SLC12A7: variants seen among roughly 807,000 people sequenced by gnomAD.
SLC12A7 encodes the protein solute carrier family 12 member 7, also known as K-Cl cotransporter 4.
Under a neutral mutation model 120.6 loss-of-function variants are expected in SLC12A7, and 100 were observed. The ratio of observed to expected loss-of-function variants is 0.83; its 90% confidence interval spans 0.71 to 0.98. The LOEUF is 0.98. Ranked by LOEUF, SLC12A7 falls within the 50% of genes least tolerant of loss-of-function variation. The pLI is 0.00. For synonymous variants in SLC12A7, 760 were observed against 678.0 expected (o/e 1.12, Z -1.88); for missense variants, 1,373 against 1,548.1 (o/e 0.89, Z 1.90).
the SLC12A7 span, among the ~76,000 whole-genome samples, chr5:1,136,807 G>T: frequency 7.1e-6 from 1 of 140,650 alleles, no homozygotes; most frequent in Admixed American, 7.3e-5. Flanking sequence ...GCACACACGT[G>T]CTCAGACACC....
the SLC12A7 span, among the ~76,000 whole-genome samples, chr5:1,122,563 C>T: frequency 1.3e-5 from 2 of 152,236 alleles, no homozygotes; most frequent in African/African-American, 2.4e-5. Context: ...CACAGCTGTG[C>T]GTCCACCTTC....
At chr5:1,148,485 G>A in the SLC12A7 span, among the ~76,000 whole-genome samples, 4 of 152,184 alleles carry the variant, frequency 2.6e-5, no homozygotes, top group Non-Finnish European at 2.9e-5. Context: ...TATTACAGGC[G>A]TGAGCCACCG....
chr5:1,053,550 T>A, intron 22 of SLC12A7, 68 bp from the exon 23 acceptor site: 1 of 1,556,960 alleles, frequency 6.4e-7, no homozygotes, highest in East Asian at 2.3e-5. Flanking sequence ...GAGGCTGAGC[T>A]GAGCCCTGAT....
intron 1 of SLC12A7, among the ~76,000 whole-genome samples, chr5:1,106,471 AAAAG>A (rs1742539229): frequency 6.6e-6 from 1 of 151,692 alleles, no homozygotes; most frequent in Non-Finnish European, 1.5e-5. Context: ...AAAAAAAAAA[AAAAG>A]AAAATTCATA....
Position 1,073,751 on chromosome 5 carries a change from T to A in SLC12A7, c.2123A>T (p.His708Leu). 1 of 1,556,462 alleles carries A rather than the reference T, an allele frequency of 6.4e-7. No individual in the cohort carries two copies. The highest frequency in any genetic ancestry group is 8.7e-7 in the Non-Finnish European group (1 of 1,148,470). Residue 708 changes from histidine to leucine, a missense_variant, in exon 17 of 24, where the codon CAC becomes CTC. Physicochemically the swap from His to Leu is moderately conservative, Grantham distance 99. Coordinates refer to ENST00000264930, the MANE Select transcript of SLC12A7 (RefSeq NM_006598.3). ...LNLDAEQAVK[H>L]PRLLSFTSQL... ...CGACGTGAAGGACAGCAGGCGGGGG[T>A]GCTTCACGGCCTGCTCCGCGTCCAG...
At chr5:1,083,718 C>G (rs1241441433) in intron 8 of SLC12A7, 27 bp downstream of exon 8, 1 of 1,608,550 alleles carries the variant, frequency 6.2e-7, no homozygotes, top group Non-Finnish European at 8.5e-7. Context: ...CACCCCCCAG[C>G]TCCAGCTGCA....
intron 7 of SLC12A7, 62 bp from the exon 8 acceptor site, chr5:1,084,018 C>CCA: frequency 6.9e-7 from 1 of 1,447,922 alleles, no homozygotes; most frequent in Non-Finnish European, 9.5e-7. Flanking sequence ...ACTGCCCCAC[C>CCA]CAGCTCCCCC....
At chr5:1,131,293 G>A in the SLC12A7 span, among the ~76,000 whole-genome samples, 1 of 152,168 alleles carries the variant, frequency 6.6e-6, no homozygotes, top group African/African-American at 2.4e-5. Flanking sequence ...TCACCCAGAG[G>A]CTGGGGCCTG....
chr5:1,119,788 A>G, the SLC12A7 span, among the ~76,000 whole-genome samples: 1 of 152,246 alleles, frequency 6.6e-6, no homozygotes, highest in Non-Finnish European at 1.5e-5. Context: ...CAATGGACAA[A>G]TGGGGTCCAC....
chr5:1,137,754 T>C, the SLC12A7 span, among the ~76,000 whole-genome samples: 2 of 152,272 alleles, frequency 1.3e-5, no homozygotes, highest in African/African-American at 4.8e-5. Context: ...AGGCCCTCCC[T>C]GCTCGCCCAG....
chr5:1,059,327 G>A (rs1327774922), intron 21 of SLC12A7, among the ~76,000 whole-genome samples: 7 of 152,206 alleles, frequency 4.6e-5, no homozygotes, highest in Non-Finnish European at 7.3e-5. Flanking sequence ...TAGTGATTCC[G>A]GCTGTCAGCA....
At chr5:1,136,598 G>C in the SLC12A7 span, among the ~76,000 whole-genome samples, 1 of 114,792 alleles carries the variant, frequency 8.7e-6, no homozygotes, top group Non-Finnish European at 1.7e-5. Flanking sequence ...ACACCACCAG[G>C]ACACGCAGAC....
chr5:1,125,991 T>C, the SLC12A7 span, among the ~76,000 whole-genome samples: 1 of 152,040 alleles, frequency 6.6e-6, no homozygotes, highest in Non-Finnish European at 1.5e-5. Flanking sequence ...ATTGTTAATG[T>C]TTCCAAAAAG....
intron 6 of SLC12A7, among the ~76,000 whole-genome samples, chr5:1,085,705 C>T (rs1303489432): frequency 6.7e-6 from 1 of 149,968 alleles, no homozygotes; most frequent in East Asian, 2.0e-4. Flanking sequence ...AGCGCACAGG[C>T]GAGGGACGGA....
chr5:1,057,366 G>T, intron 22 of SLC12A7, 105 bp downstream of exon 22: 1 of 1,218,688 alleles, frequency 8.2e-7, no homozygotes, highest in Non-Finnish European at 1.1e-6. Flanking sequence ...TGGCCTGCAG[G>T]GTTGCCCCGA....
chr5:1,126,536 CA>C, the SLC12A7 span, among the ~76,000 whole-genome samples: 7 of 152,034 alleles, frequency 4.6e-5, no homozygotes, highest in African/African-American at 1.2e-4. Context: ...GTTTATTACA[CA>C]AGTAAATTTG....
chr5:1,107,784 C>G (rs902778859), intron 1 of SLC12A7, among the ~76,000 whole-genome samples: 1 of 152,182 alleles, frequency 6.6e-6, no homozygotes, highest in African/African-American at 2.4e-5. Flanking sequence ...GCCTGGGGAG[C>G]TTTGCAGAAG....
upstream of SLC12A7, among the ~76,000 whole-genome samples, chr5:1,114,836 TC>T (rs904889002): frequency 6.6e-6 from 1 of 152,110 alleles, no homozygotes; most frequent in Non-Finnish European, 1.5e-5. Flanking sequence ...GATGTCTGAA[TC>T]GACAGATTCA....
the SLC12A7 span, among the ~76,000 whole-genome samples, chr5:1,154,800 C>G: frequency 0.21 from 32,381 of 152,258 alleles, 3,537 homozygotes; most frequent in East Asian, 0.27. Flanking sequence ...CCCGGCCCCT[C>G]ACAGGGCAAG....
Sources: gnomAD v4.1 joint callset for allele counts (sites outside exome capture counted in the v4.1 genomes callset) on GRCh38, gnomAD v4.1.1 for gene constraint, MANE v1.5 for transcripts, NCBI Gene and HGNC (gene_info 2026-07-23, HGNC 2026-07-21) for gene names.